The following ATAD2 variants were observed in gnomAD, a reference collection of about 807,000 sequenced individuals.
ATAD2 encodes the protein ATPase family AAA domain containing 2, also known as ATPase family AAA domain-containing protein 2.
A neutral mutation model predicts 168.9 loss-of-function variants in ATAD2; 62 were observed. The ratio of observed to expected loss-of-function variants is 0.37; its 90% CI spans 0.30 to 0.45. The LOEUF is 0.45. Among genes scored for constraint, ATAD2 ranks in the 20% least tolerant of loss-of-function variants. The pLI, the probability that ATAD2 is intolerant of heterozygous loss-of-function variation, is 1.00. For missense variants in ATAD2, 1,419 were observed against 1,667.8 expected (o/e 0.85, Z 2.60); for synonymous variants, 613 against 571.6 (o/e 1.07, Z -1.03).
Position 123,370,894 on chromosome 8 carries a change from G to A in ATAD2, c.727+9C>T. The A allele has an allele frequency of 1.3e-6, 2 of 1,572,628 alleles. No homozygotes were observed. The highest frequency in any genetic ancestry group is 8.6e-7 in the Non-Finnish European group (1 of 1,159,738). On this transcript the variant is annotated intron_variant, in intron 6 of 27. Transcript: ENST00000287394. ...AATCCCAGAAGACAGAACAAGAGAAGAGACTAACCCACACTGCCTTCTTGA... is the reference window on the plus strand; with the variant it reads ...AATCCCAGAAGACAGAACAAGAGAAAAGACTAACCCACACTGCCTTCTTGA...
rs563108356 is a variant in ATAD2, at chr8:123,365,203, T to C, written c.1050-3557A>G. Among the ~76,000 whole-genome samples the C allele has an allele frequency of 2.8e-4, 42 of 152,190 alleles. 1 individual carries two copies. The South Asian group carries it at 8.7e-3, about 32-fold the overall frequency. ...ATAGCTGCAAAATAAAATAAAATAC[T>C]TAGGAATATACCTAACCAAAGAGGC... On this transcript the variant is annotated intron_variant, in intron 8 of 27. Transcript: ENST00000287394.
chr8:123,362,020 T>C (rs1405658112), intron 8 of ATAD2, among the ~76,000 whole-genome samples: 1 of 152,174 alleles, frequency 6.6e-6, no homozygotes, highest in East Asian at 1.9e-4. Flanking sequence ...CCCAACACTT[T>C]AGGAGACCGA....
chr8:123,405,509 C>T (rs551942980), intron 1 of ATAD2, among the ~76,000 whole-genome samples: 35 of 152,232 alleles, frequency 2.3e-4, no homozygotes, highest in African/African-American at 8.4e-4. Context: ...GATGATCTGC[C>T]CACCTCGGCC....
intron 1 of ATAD2, among the ~76,000 whole-genome samples, chr8:123,403,128 C>T (rs1813027984): frequency 6.6e-6 from 1 of 152,178 alleles, no homozygotes; most frequent in South Asian, 2.1e-4. Context: ...CTCACTCTGT[C>T]ACCCAGGCTG....
chr8:123,378,214 C>T (rs1039894326), intron 2 of ATAD2, among the ~76,000 whole-genome samples: 4 of 151,990 alleles, frequency 2.6e-5, no homozygotes, highest in Non-Finnish European at 5.9e-5. Flanking sequence ...TTTTTAGTGT[C>T]CCATAAACAT....
intron 1 of ATAD2, among the ~76,000 whole-genome samples, chr8:123,389,986 T>TATATATATATATA (rs58743148): frequency 0.013 from 883 of 67,278 alleles, 4 homozygotes; most frequent in Non-Finnish European, 0.016. Context: ...ATATATATAT[T>TATATATATATATA]TTTTTTTTTT....
In ATAD2 at chr8:123,382,084, T is replaced by G. The variant is rs532724812; in HGVS notation, c.172-1407A>C. Among the ~76,000 whole-genome samples, 21 of 152,102 alleles carry G rather than the reference T, an allele frequency of 1.4e-4. 1 individual carries two copies. Among genetic ancestry groups the G allele is most frequent in the African/African-American group, 4.6e-4 (19 of 41,496 alleles). On this transcript the variant is annotated intron_variant, in intron 1 of 27. Coordinates refer to ENST00000287394, the MANE Select transcript of ATAD2 (RefSeq NM_014109.4). ...AACAAACCAAAGATAGAAATCAAAGTCAAAGGTTCCTAACAACTCTATAAT... is the reference window on the plus strand; with the variant it reads ...AACAAACCAAAGATAGAAATCAAAGGCAAAGGTTCCTAACAACTCTATAAT...
chr8:123,351,751 T>G (rs981759002), intron 13 of ATAD2, among the ~76,000 whole-genome samples: 7 of 150,142 alleles, frequency 4.7e-5, no homozygotes, highest in African/African-American at 1.7e-4. Flanking sequence ...AACTGATGTT[T>G]TTTTTTTTTT....
At chr8:123,349,867 T>C (rs1828391359) in intron 13 of ATAD2, among the ~76,000 whole-genome samples, 1 of 145,808 alleles carries the variant, frequency 6.9e-6, no homozygotes, top group African/African-American at 2.6e-5. Context: ...GGAAACCCCA[T>C]CTCTATTAAA....
At chr8:123,376,943 T>C (rs1829332277) in intron 2 of ATAD2, among the ~76,000 whole-genome samples, 1 of 151,204 alleles carries the variant, frequency 6.6e-6, no homozygotes, top group Non-Finnish European at 1.5e-5. Flanking sequence ...AATACAAAAA[T>C]TAGCTGGGTG....
upstream of ATAD2, chr8:123,400,743 C>G: frequency 5.2e-6 from 4 of 769,860 alleles, no homozygotes; most frequent in Non-Finnish European, 9.5e-6. The surrounding 1 kb of genome is among the most constrained non-coding windows in gnomAD (Gnocchi z 4.5). Context: ...CAGCCCTTAC[C>G]TGGAAGATCA....
chr8:123,349,796 G>A (rs1828388724), intron 13 of ATAD2, among the ~76,000 whole-genome samples: 1 of 151,800 alleles, frequency 6.6e-6, no homozygotes, highest in Non-Finnish European at 1.5e-5. Flanking sequence ...CCCAGAACTT[G>A]GGGGCTGAGG....
intron 19 of ATAD2, 61 bp from the exon 20 acceptor site, chr8:123,339,507 G>T: frequency 1.4e-6 from 2 of 1,422,484 alleles, no homozygotes; most frequent in Non-Finnish European, 1.9e-6. Flanking sequence ...AACTTACAAT[G>T]GTTCAATTTA....
In ATAD2 at chr8:123,336,389, T is replaced by G. The variant is rs1301675214; in HGVS notation, c.3195A>C (p.Pro1065=). ...LICSNALEYN[P]DRDPGDRLIR... ...AATGCTCACCTCCAGGATCTCTATC[T>G]GGATTGTATTCTAAGGCATTACTAC... is the stretch of plus-strand genomic sequence containing the variant. Residue 1065 remains proline (P), a synonymous_variant, in exon 22 of 28, where the codon CCA becomes CCC. Coordinates refer to ENST00000287394, the MANE Select transcript of ATAD2 (RefSeq NM_014109.4). The G allele has an allele frequency of 1.3e-6, 2 of 1,581,784 alleles. No individual in the cohort carries two copies. The highest frequency in any genetic ancestry group is 2.3e-5 in the East Asian group (1 of 43,598).
At chr8:123,346,951 T>C in intron 16 of ATAD2, 141 bp downstream of exon 16, 1 of 1,134,662 alleles carries the variant, frequency 8.8e-7, no homozygotes, top group Non-Finnish European at 1.2e-6. Flanking sequence ...ATGGAGTAAA[T>C]TTCCTTCAAA....
At chr8:123,355,797 T>C (rs1396020581) in intron 13 of ATAD2, among the ~76,000 whole-genome samples, 2 of 152,198 alleles carry the variant, frequency 1.3e-5, no homozygotes, top group African/African-American at 4.8e-5. Flanking sequence ...TTCCCCACCA[T>C]AGCCCTCCTC....
chr8:123,398,897 AG>A (rs1417681299), upstream of ATAD2, among the ~76,000 whole-genome samples: 1 of 152,280 alleles, frequency 6.6e-6, no homozygotes, highest in East Asian at 1.9e-4. Flanking sequence ...TGAAAAAGAA[AG>A]GAACAATATT....
intron 27 of ATAD2, among the ~76,000 whole-genome samples, chr8:123,322,701 T>C (rs1357759187): frequency 1.3e-5 from 2 of 152,040 alleles, no homozygotes; most frequent in South Asian, 2.1e-4. Flanking sequence ...AACAAACTAA[T>C]TAAGTTATAG....
In ATAD2 at chr8:123,359,201, T is replaced by C; in HGVS notation, c.1382+20A>G. ...AATAGCAAAGATTTTCAGCTAAAAT[T>C]AAAAATATAATTAAATTACCTTGGG... On this transcript the variant is annotated intron_variant, in intron 11 of 27. Coordinates refer to ENST00000287394, the MANE Select transcript of ATAD2 (RefSeq NM_014109.4). 6.6e-7 allele frequency: 1 copy of C among 1,518,988 alleles called. No homozygotes were observed. Among genetic ancestry groups the C allele is most frequent in the Non-Finnish European group, 9.0e-7 (1 of 1,114,486 alleles). 94.1% of individuals were successfully genotyped at this position (1,518,988 alleles called of 1,614,324 possible).
Sources: gnomAD v4.1 joint callset for allele counts (sites outside exome capture counted in the v4.1 genomes callset) on GRCh38, gnomAD v4.1.1 for gene constraint, Gnocchi (gnomAD v3.1) non-coding constraint, MANE v1.5 for transcripts, NCBI Gene and HGNC (gene_info 2026-07-23, HGNC 2026-07-21) for gene names.